TP63: variants seen among roughly 807,000 people sequenced by gnomAD.
The protein encoded by TP63 is tumor protein 63.
TP63 carries 17 observed loss-of-function variants against 82.8 expected under a neutral mutation model. That is an observed-to-expected ratio of 0.21 (90% CI 0.14 to 0.31). The LOEUF is 0.31. Ranked by LOEUF, TP63 falls within the 10% of genes least tolerant of loss-of-function variation. TP63 has a pLI of 1.00. For synonymous variants in TP63, 330 were observed against 321.7 expected, an observed-to-expected ratio of 1.03 and a Z score of -0.28; for missense variants, 648 against 895.3, an observed-to-expected ratio of 0.72 and a Z score of 3.52.
Position 189,894,337 on chromosome 3 carries a change from C to T in TP63, c.1878C>T (p.Val626=), listed in dbSNP as rs779833472. 6.2e-7 allele frequency: 1 copy of T among 1,614,020 alleles called. No homozygotes were observed. The highest frequency in any genetic ancestry group is 1.1e-5 in the South Asian group (1 of 91,054). The part of the protein sequence containing the change: ...LLRTPSSAST[V]SVGSSETRGE... Reference sequence around the variant, plus strand: ...GGACCCCAAGCAGTGCCTCTACAGTCAGTGTGGGCTCCAGTGAGACCCGGG... The same window carrying T: ...GGACCCCAAGCAGTGCCTCTACAGTTAGTGTGGGCTCCAGTGAGACCCGGG... The change falls in exon 14 of 14, where the codon GTC becomes GTT. Residue 626 remains valine, a synonymous_variant. Coordinates refer to ENST00000264731, the MANE Select transcript of TP63 (RefSeq NM_003722.5).
the TP63 span, among the ~76,000 whole-genome samples, chr3:189,598,241 T>TGGAGAGGAGAGGAGGGGAGAGGAAG: frequency 2.9e-5 from 4 of 137,296 alleles, no homozygotes; most frequent in East Asian, 6.4e-4. Flanking sequence ...GGAGTAGAGA[T>TGGAGAGGAGAGGAGGGGAGAGGAAG]GGAGAGGAGA....
chr3:189,709,961 A>G (rs930114705), intron 1 of TP63, among the ~76,000 whole-genome samples: 1 of 152,214 alleles, frequency 6.6e-6, no homozygotes, highest in African/African-American at 2.4e-5. Context: ...ATATTTATCA[A>G]TAAATGCTTT....
At chr3:189,766,180 A>G (rs1576907138) in intron 3 of TP63, among the ~76,000 whole-genome samples, 1 of 152,178 alleles carries the variant, frequency 6.6e-6, no homozygotes, top group Non-Finnish European at 1.5e-5. Flanking sequence ...CCTGGCCAAC[A>G]TAGCAAGACC....
Position 189,796,257 on chromosome 3 carries a change from G to A in TP63, c.325-12015G>A, listed in dbSNP as rs1725687160. Among the ~76,000 whole-genome samples the A allele has an allele frequency of 3.9e-5, 6 of 151,936 alleles. No individual in the cohort carries two copies. The South Asian group carries it at 1.0e-3, about 26-fold the overall frequency. ...ATAAAATTTTTAAATTTGACTTTGG[G>A]ACAAGGATACATGTGTAAGATGTAA... is the stretch of plus-strand genomic sequence containing the variant. On this transcript the variant is annotated intron_variant, in intron 3 of 13. Coordinates refer to ENST00000264731, the MANE Select transcript of TP63 (RefSeq NM_003722.5).
Position 189,750,566 on chromosome 3 carries a change from A to G in TP63, c.324+11792A>G, listed in dbSNP as rs371500316. 6.7e-5 allele frequency among the ~76,000 whole-genome samples: 10 copies of G among 149,068 alleles called. No homozygotes were observed. In the East Asian group the frequency reaches 9.7e-4, roughly 14 times the overall value. Reference sequence around the variant, plus strand: ...GATCACTGAACATTCTATGCATGTAACAAAATAGCACATATATCCCATGAA... The same window carrying G: ...GATCACTGAACATTCTATGCATGTAGCAAAATAGCACATATATCCCATGAA... On this transcript the variant is annotated intron_variant, in intron 3 of 13. Transcript: ENST00000264731.
At chr3:189,798,281 C>T (rs903936247) in intron 3 of TP63, among the ~76,000 whole-genome samples, 10 of 152,084 alleles carry the variant, frequency 6.6e-5, no homozygotes, top group African/African-American at 2.4e-4. Context: ...ATATGTTCTG[C>T]AGGTAAACCA....
intron 1 of TP63, among the ~76,000 whole-genome samples, chr3:189,676,367 A>T (rs1715394907): frequency 6.6e-6 from 1 of 151,990 alleles, no homozygotes. Flanking sequence ...TGTTCCTATT[A>T]TTTGACATTT....
At chr3:189,880,582 T>G (rs1577183656) in intron 10 of TP63, 1 of 986,762 alleles carries the variant, frequency 1.0e-6, no homozygotes, top group Non-Finnish European at 1.2e-6. Flanking sequence ...GGTCTCAAAC[T>G]TAAGATGTCT....
chr3:189,617,007 C>A, the TP63 span, among the ~76,000 whole-genome samples: 1 of 152,174 alleles, frequency 6.6e-6, no homozygotes, highest in African/African-American at 2.4e-5. Flanking sequence ...AACTATCAGG[C>A]TTTCTGCTTC....
At chr3:189,679,771 TGTAAA>T (rs1715749816) in intron 1 of TP63, among the ~76,000 whole-genome samples, 1 of 152,178 alleles carries the variant, frequency 6.6e-6, no homozygotes, top group African/African-American at 2.4e-5. Context: ...CCAGGTTTTA[TGTAAA>T]GTATTCAATT....
chr3:189,841,369 A>C (rs1714089997), intron 4 of TP63, among the ~76,000 whole-genome samples: 1 of 152,236 alleles, frequency 6.6e-6, no homozygotes, highest in East Asian at 1.9e-4. Context: ...GTTAAGGACT[A>C]TACAGATGGG....
chr3:189,683,262 T>G (rs190604889), intron 1 of TP63, among the ~76,000 whole-genome samples: 12 of 152,290 alleles, frequency 7.9e-5, no homozygotes, highest in East Asian at 5.8e-4. Context: ...TCATTTAGGC[T>G]TCACAGCTCT....
intron 1 of TP63, among the ~76,000 whole-genome samples, chr3:189,642,472 C>T (rs1449110343): frequency 2.0e-5 from 3 of 152,028 alleles, no homozygotes; most frequent in African/African-American, 4.8e-5. Context: ...AGACTGGATT[C>T]GGGGGCCAAT....
chr3:189,626,461 A>T (rs907969880), upstream of TP63, among the ~76,000 whole-genome samples: 5 of 152,218 alleles, frequency 3.3e-5, no homozygotes, highest in Non-Finnish European at 5.9e-5. Context: ...ACCCTGACAC[A>T]AAGGAATTCA....
intron 3 of TP63, among the ~76,000 whole-genome samples, chr3:189,779,322 CAGA>C (rs754078141): frequency 1.3e-5 from 2 of 152,112 alleles, no homozygotes; most frequent in Non-Finnish European, 2.9e-5. Flanking sequence ...CTCCATAGGC[CAGA>C]AGATCTGGCT....
At chr3:189,718,896 A>G (rs1719162514) in intron 1 of TP63, among the ~76,000 whole-genome samples, 1 of 152,190 alleles carries the variant, frequency 6.6e-6, no homozygotes, top group South Asian at 2.1e-4. Flanking sequence ...AATGTAGCCT[A>G]TACTTTTGGA....
intron 1 of TP63, among the ~76,000 whole-genome samples, chr3:189,720,702 C>G (rs1719314796): frequency 6.9e-6 from 1 of 144,302 alleles, no homozygotes; most frequent in African/African-American, 2.6e-5. Context: ...CCATTGCACT[C>G]CAGCCTGGGC....
chr3:189,883,949 A>AG (rs1720182401), intron 10 of TP63, among the ~76,000 whole-genome samples: 1 of 151,612 alleles, frequency 6.6e-6, no homozygotes, highest in Admixed American at 6.6e-5. Flanking sequence ...AAAAAAAAAA[A>AG]GCAAAACTTT....
At chr3:189,684,165 T>C (rs1451173432) in intron 1 of TP63, among the ~76,000 whole-genome samples, 3 of 152,246 alleles carry the variant, frequency 2.0e-5, no homozygotes, top group Non-Finnish European at 4.4e-5. Flanking sequence ...TTTCATTCTT[T>C]ATTCTTTAAT....
Sources: gnomAD v4.1 joint callset for allele counts (sites outside exome capture counted in the v4.1 genomes callset) on GRCh38, gnomAD v4.1.1 for gene constraint, MANE v1.5 for transcripts, NCBI Gene and HGNC (gene_info 2026-07-23, HGNC 2026-07-21) for gene names.